The following UGT2A3 variants were observed in gnomAD, a reference collection of about 807,000 sequenced individuals.
UGT2A3 encodes the protein UDP-glucuronosyltransferase 2A3.
Under a neutral mutation model 44.1 loss-of-function variants are expected in UGT2A3, and 55 were observed. The ratio of observed to expected loss-of-function variants is 1.25; its 90% CI spans 1.00 to 1.56. UGT2A3 has a LOEUF of 1.56. UGT2A3 is among the 40% of genes most tolerant of loss of function. The pLI is 0.00. For missense variants in UGT2A3, 733 were observed against 621.6 expected (o/e 1.18, Z -1.91); for synonymous variants, 243 against 215.1 (o/e 1.13, Z -1.13).
chr4:68,951,570 A>G lies in UGT2A3; in HGVS notation c.191T>C (p.Ile64Thr). Residue 64 changes from isoleucine (I) to threonine (T), a missense_variant, in exon 1 of 6, where the codon ATT becomes ACT. Ile to Thr is a moderately conservative substitution (Grantham distance 89). Transcript: ENST00000251566. ...TVLTHSKPSL[I>T]DYRKPSALKF... is the part of the protein sequence containing the mutation. ...CAATGCAGAAGGCTTCCTGTAGTCA[A>G]TTAACGAAGGCTTTGAGTGAGTCAA... 1 of 1,613,056 alleles carries G rather than the reference A, an allele frequency of 6.2e-7. No homozygotes were observed. The highest frequency in any genetic ancestry group is 8.5e-7 in the Non-Finnish European group (1 of 1,179,464).
At chr4:68,950,724 C>A (rs1718552774) in intron 1 of UGT2A3, among the ~76,000 whole-genome samples, 1 of 151,728 alleles carries the variant, frequency 6.6e-6, no homozygotes. Context: ...TAATGATTAG[C>A]ATTTTATTTC....
rs1381493634 is a variant in UGT2A3 at position 68,944,187 on chromosome 4, T to C, written c.864+1119A>G. On this transcript the variant is annotated intron_variant, in intron 2 of 5. Coordinates refer to ENST00000251566, the MANE Select transcript of UGT2A3 (RefSeq NM_024743.4). ...CATCTGGCCTTGTCAGGGTTTCCTATAATGTGGTTACCTTTGTAGGGATAA... is the reference window on the plus strand; with the variant it reads ...CATCTGGCCTTGTCAGGGTTTCCTACAATGTGGTTACCTTTGTAGGGATAA... Among the ~76,000 whole-genome samples the C allele has an allele frequency of 3.3e-5, 5 of 151,962 alleles. No individual in the cohort carries two copies. In the East Asian group the frequency reaches 5.9e-4, roughly 18 times the overall value.
rs140811760 is a variant in UGT2A3, at chr4:68,936,811, G to C, written c.865-4052C>G. 4.8e-3 allele frequency among the ~76,000 whole-genome samples: 703 copies of C among 145,576 alleles called. 2 individuals are homozygous for C. Among genetic ancestry groups the C allele is most frequent in the Non-Finnish European group, 8.3e-3 (549 of 66,362 alleles). On this transcript the variant is annotated intron_variant, in intron 2 of 5. Transcript: ENST00000251566. The stretch of plus-strand genomic sequence containing the variant: ...GAACCATCAGTATGTTGTATTCAGG[G>C]GACCCATCTCACATACAGAGACACA...
chr4:68,931,301 A>C (rs987861706), intron 3 of UGT2A3, 59 bp from the exon 4 acceptor site: 1 of 1,344,518 alleles, frequency 7.4e-7, no homozygotes, highest in African/African-American at 1.5e-5. Context: ...CATTCTAAGG[A>C]TGTAGATATA....
chr4:68,931,356 A>T (rs368209538), intron 3 of UGT2A3, 114 bp from the exon 4 acceptor site: 4 of 760,954 alleles, frequency 5.3e-6, no homozygotes, highest in Middle Eastern at 3.1e-4. Context: ...TGGTTGAGAC[A>T]GGGGTGTGTA....
chr4:68,938,087 C>T (rs1467890612), intron 2 of UGT2A3, among the ~76,000 whole-genome samples: 1 of 151,626 alleles, frequency 6.6e-6, no homozygotes, highest in African/African-American at 2.4e-5. Flanking sequence ...CAAAAAAAGT[C>T]CTGGACCAGA....
intron 2 of UGT2A3, among the ~76,000 whole-genome samples, chr4:68,938,174 G>T (rs1041706113): frequency 1.9e-4 from 29 of 151,974 alleles, no homozygotes; most frequent in Non-Finnish European, 3.1e-4. Flanking sequence ...CCAATCAATA[G>T]AAAAAGAGAG....
At chr4:68,942,834 T>A (rs1285460135) in intron 2 of UGT2A3, among the ~76,000 whole-genome samples, 2 of 151,644 alleles carry the variant, frequency 1.3e-5, no homozygotes, top group Non-Finnish European at 3.0e-5. Context: ...TCTGTTATTA[T>A]ATTAAGTTGT....
intron 2 of UGT2A3, among the ~76,000 whole-genome samples, chr4:68,938,818 A>C (rs539420585): frequency 1.3e-5 from 2 of 152,262 alleles, no homozygotes; most frequent in African/African-American, 4.8e-5. Flanking sequence ...ATCTCGGCCC[A>C]AAATCTCCTT....
At chr4:68,943,207 T>TTG (rs955029676) in intron 2 of UGT2A3, 16 of 530,914 alleles carry the variant, frequency 3.0e-5, no homozygotes, top group South Asian at 1.2e-4. Context: ...GAGTGTGTGT[T>TTG]TGTGTGTGTG....
chr4:68,945,370 G>T lies in UGT2A3; in HGVS notation c.800C>A (p.Pro267Gln). The change falls in exon 2 of 6, where the codon CCA becomes CAA. Residue 267 changes from proline (P) to glutamine (Q), a missense_variant. Pro to Gln is a moderately conservative substitution (Grantham distance 76). Transcript: ENST00000251566. ...AACAAACTCAAAGTTAGGTTGGTAT[G>T]GTTGAGGAAATTCAAAATCCCAATA... ...RTYWDFEFPQ[P>Q]YQPNFEFVGG... The T allele has an allele frequency of 6.2e-7, 1 of 1,611,440 alleles. No individual in the cohort carries two copies. Among genetic ancestry groups the T allele is most frequent in the Non-Finnish European group, 8.5e-7 (1 of 1,178,504 alleles).
chr4:68,930,427 G>T, intron 5 of UGT2A3, 119 bp downstream of exon 5: 2 of 960,222 alleles, frequency 2.1e-6, no homozygotes, highest in South Asian at 1.9e-5. Flanking sequence ...GGTGATGAAT[G>T]ACTCAATATT....
In UGT2A3 at chr4:68,951,615, C is replaced by G. The variant is rs1718597242; in HGVS notation, c.146G>C (p.Arg49Thr). The G allele has an allele frequency of 6.2e-7, 1 of 1,612,764 alleles. No homozygotes were observed. Among genetic ancestry groups the G allele is most frequent in the Admixed American group, 1.7e-5 (1 of 59,814 alleles). ...AGTCAATACTGTTACCTCATGGCCT[C>G]TCACTATGAGCTCTTCTAGAATGAC... ...VKVILEELIV[R>T]GHEVTVLTHS... The change falls in exon 1 of 6, where the codon AGA (arginine) becomes ACA (threonine). Residue 49 changes from arginine (R) to threonine (T), a missense_variant. Coordinates refer to ENST00000251566, the MANE Select transcript of UGT2A3 (RefSeq NM_024743.4).
chr4:68,932,442 A>C (rs1717770439), intron 3 of UGT2A3, among the ~76,000 whole-genome samples, 186 bp downstream of exon 3: 1 of 152,116 alleles, frequency 6.6e-6, no homozygotes, highest in East Asian at 1.9e-4. Flanking sequence ...ACAATCAAGA[A>C]AGTTGTTTCC....
rs1717613992 is a variant in UGT2A3 at position 68,928,888 on chromosome 4, C to T, written c.*925G>A. On this transcript the variant is annotated 3_prime_UTR_variant, in exon 6 of 6. Coordinates refer to ENST00000251566, the MANE Select transcript of UGT2A3 (RefSeq NM_024743.4). ...TGAGACTGAAAAGCAGTTCACTGAT[C>T]TTACTTTCAGAACAAGCATCTCTTT... is the stretch of plus-strand genomic sequence containing the variant. The T allele has an allele frequency of 6.6e-6, 1 of 151,948 alleles. No individual in the cohort carries two copies. The highest frequency in any genetic ancestry group is 6.6e-5 in the Admixed American group (1 of 15,242). 9.4% of individuals were successfully genotyped at this position (151,948 alleles called of 1,614,324 possible).
At chr4:68,936,298 A>G (rs867901316) in intron 2 of UGT2A3, among the ~76,000 whole-genome samples, 9 of 152,100 alleles carry the variant, frequency 5.9e-5, no homozygotes, top group African/African-American at 2.2e-4. Context: ...AAAAAATGCT[A>G]AAAGCAGCCA....
chr4:68,941,962 A>T (rs72637839), intron 2 of UGT2A3, among the ~76,000 whole-genome samples: 2 of 151,954 alleles, frequency 1.3e-5, no homozygotes, highest in Admixed American at 6.6e-5. Context: ...TATGGCTATT[A>T]TCAAAAGGCA....
chr4:68,946,219 T>C (rs1718379860), intron 1 of UGT2A3, among the ~76,000 whole-genome samples: 1 of 151,720 alleles, frequency 6.6e-6, no homozygotes, highest in Non-Finnish European at 1.5e-5. Context: ...ACTAAGTAAT[T>C]AGTATCTCTT....
chr4:68,941,573 C>T (rs1157908389), intron 2 of UGT2A3, among the ~76,000 whole-genome samples: 2 of 151,820 alleles, frequency 1.3e-5, no homozygotes, highest in Non-Finnish European at 2.9e-5. Context: ...TGACATTGGT[C>T]TAGGCAAGGA....
Sources: allele counts gnomAD v4.1 joint callset (sites outside exome capture counted in the v4.1 genomes callset), GRCh38; gene constraint gnomAD v4.1.1; transcripts MANE v1.5; gene names NCBI Gene and HGNC (gene_info 2026-07-23, HGNC 2026-07-21).